ZNF891: variants seen among roughly 807,000 people sequenced by gnomAD.
ZNF891 encodes the protein zinc finger protein 891.
For missense variants in ZNF891, 589 were observed against 632.7 expected, an observed-to-expected ratio of 0.93 and a Z score of 0.74; for synonymous variants, 199 against 209.0, an observed-to-expected ratio of 0.95 and a Z score of 0.41.
Position 133,111,151 on chromosome 12 carries a change from C to T in ZNF891, c.*9133G>A, listed in dbSNP as rs1345315273. On this transcript the variant is annotated 3_prime_UTR_variant, in exon 2 of 2. Transcript: ENST00000537226. ...AAAAGTCTGCCTTTAAAAGGCAGGA[C>T]ATAGAAAAAGTGGCAAAAAGTGTAA... 1 of 151,672 alleles carries T rather than the reference C, an allele frequency of 6.6e-6. No individual in the cohort carries two copies. The highest frequency in any genetic ancestry group is 1.5e-5 in the Non-Finnish European group (1 of 67,946). 9.4% of individuals were successfully genotyped at this position (151,672 alleles called of 1,614,324 possible).
rs1472567234 is a variant in ZNF891, at chr12:133,112,789, G to A, written c.*7495C>T. On this transcript the variant is annotated 3_prime_UTR_variant, in exon 2 of 2. Transcript: ENST00000537226. Reference sequence around the variant, plus strand: ...AAAAAGTAGGAGATAGAAATGGTAAGTTAAAAAATATATTTTCCCCAGCAC... The same window carrying A: ...AAAAAGTAGGAGATAGAAATGGTAAATTAAAAAATATATTTTCCCCAGCAC... The A allele has an allele frequency of 6.6e-6, 1 of 152,236 alleles. No individual in the cohort carries two copies. Among genetic ancestry groups the A allele is most frequent in the African/African-American group, 2.4e-5 (1 of 41,452 alleles). The allele number at this position is 152,236 out of a possible 1,614,324, so 9.4% of individuals were successfully genotyped here.
rs1312068734 is a variant in ZNF891, at chr12:133,106,384, T to C, written c.*13900A>G. The stretch of plus-strand genomic sequence containing the variant: ...AATGTGGTAAAGTTTTCACTTGGCA[T>C]GCATCCCTTATTCAACATACGAAGA... On this transcript the variant is annotated 3_prime_UTR_variant, in exon 2 of 2. Coordinates refer to ENST00000537226, the MANE Select transcript of ZNF891 (RefSeq NM_001277291.2). 14 of 1,614,188 alleles carry C rather than the reference T, an allele frequency of 8.7e-6. No individual in the cohort carries two copies. The East Asian group carries it at 2.9e-4, about 33-fold the overall frequency.
chr12:133,106,710 C>T lies in ZNF891; in HGVS notation c.*13574G>A. 1.4e-6 allele frequency: 2 copies of T among 1,408,630 alleles called. No individual in the cohort carries two copies. The highest frequency in any genetic ancestry group is 1.9e-6 in the Non-Finnish European group (2 of 1,050,742). The allele number at this position is 1,408,630 out of a possible 1,614,324, so 87.3% of individuals were successfully genotyped here. ...GAATTTTTTAAAAAGAAGTATAATG[C>T]CTTACTTCAGAGAACTCTTGGAAAG... On this transcript the variant is annotated 3_prime_UTR_variant, in exon 2 of 2. Transcript: ENST00000537226.
Position 133,120,878 on chromosome 12 carries a change from T to C in ZNF891, c.1041A>G (p.Gln347=), listed in dbSNP as rs1955750829. ...LYKKSHMGEK[Q]YECKECGKVF... ...CTTTACCACATTCTTTACATTCATA[T>C]TGTTTCTCACCCATGTGACTTTTCT... The change falls in exon 2 of 2, where the codon CAA becomes CAG. Residue 347 remains glutamine (Q), a synonymous_variant. Transcript: ENST00000537226. 4 of 1,541,792 alleles carry C rather than the reference T, an allele frequency of 2.6e-6. No homozygotes were observed. Among genetic ancestry groups the C allele is most frequent in the South Asian group, 2.4e-5 (2 of 84,086 alleles).
Position 133,106,788 on chromosome 12 carries a change from A to T in ZNF891, c.*13496T>A, listed in dbSNP as rs931105220. On this transcript the variant is annotated 3_prime_UTR_variant, in exon 2 of 2. Transcript: ENST00000537226. ...AAGTAATATGGCCCACACTTTATTC[A>T]CCACCCTGGAGAAAAAAAAACCCAG... 9.7e-6 allele frequency: 7 copies of T among 722,298 alleles called. No homozygotes were observed. The African/African-American group carries it at 1.3e-4, about 13-fold the overall frequency. The allele number at this position is 722,298 out of a possible 1,614,324, so 44.7% of individuals were successfully genotyped here. A position where few individuals can be genotyped will look rare whatever the true frequency, so the allele number is the denominator to read the frequency against.
chr12:133,104,838 A>T lies in ZNF891; in HGVS notation c.*15446T>A, dbSNP rs1367333257. ...TTTCATTTTAGGTTAAAGGTTACTC[A>T]TGTTACATGAGCAAATTGTGTGTCA... On this transcript the variant is annotated 3_prime_UTR_variant, in exon 2 of 2. Coordinates refer to ENST00000537226, the MANE Select transcript of ZNF891 (RefSeq NM_001277291.2). 2.0e-5 allele frequency among the ~76,000 whole-genome samples: 3 copies of T among 152,172 alleles called. No individual in the cohort carries two copies. Among genetic ancestry groups the T allele is most frequent in the Non-Finnish European group, 2.9e-5 (2 of 68,034 alleles).
At position 133,120,419 on chromosome 12, in the gene ZNF891, G is replaced by A. The variant is rs1450450033; in HGVS notation, c.1500C>T (p.Ser500=). Residue 500 remains serine, a synonymous_variant, in exon 2 of 2, where the codon TCC becomes TCT. Transcript: ENST00000537226. ...TTCTCACATGCCTCCTAAGGGAAGA[G>A]GAAACACTGAAGGCTTTCCTACATT... ...CKECRKAFSV[S]SSLRRHVRIH... 1.2e-6 allele frequency: 2 copies of A among 1,602,700 alleles called. No homozygotes were observed. The highest frequency in any genetic ancestry group is 1.7e-5 in the Admixed American group (1 of 58,464).
chr12:133,115,036 A>T lies in ZNF891; in HGVS notation c.*5248T>A, dbSNP rs1593822184. 6.6e-6 allele frequency: 1 copy of T among 152,196 alleles called. No individual in the cohort carries two copies. 9.4% of individuals were successfully genotyped at this position (152,196 alleles called of 1,614,324 possible). On this transcript the variant is annotated 3_prime_UTR_variant, in exon 2 of 2. Transcript: ENST00000537226. The stretch of plus-strand genomic sequence containing the variant: ...CAAATACATTATGGTACAAGCATAT[A>T]ATCAAATACTAAGCAGCTATTACAA...
At chr12:133,125,783 A>G in intron 1 of ZNF891, 1 of 475,396 alleles carries the variant, frequency 2.1e-6, no homozygotes, top group Non-Finnish European at 4.2e-6. Context: ...CTTAAAGCCA[A>G]CAAGCACCAG....
chr12:133,121,082 A>G lies in ZNF891; in HGVS notation c.837T>C (p.Asn279=), dbSNP rs1208978192. 1.3e-6 allele frequency: 2 copies of G among 1,535,364 alleles called. No individual in the cohort carries two copies. The highest frequency in any genetic ancestry group is 2.0e-5 in the Admixed American group (1 of 50,984). Residue 279 remains asparagine, a synonymous_variant, in exon 2 of 2, where the codon AAT becomes AAC. Transcript: ENST00000537226. ...GCAAATTGTTAGGTACAGGAAACATATTATGTGTGAAGTGCATTCCATGTT... is the reference window on the plus strand; with the variant it reads ...GCAAATTGTTAGGTACAGGAAACATGTTATGTGTGAAGTGCATTCCATGTT... The part of the protein sequence containing the change: ...YSKHGMHFTH[N]MFPVPNNLHM...
chr12:133,104,803 T>C lies in ZNF891; in HGVS notation c.*15481A>G, dbSNP rs946343251. Among the ~76,000 whole-genome samples, 42 of 152,358 alleles carry C rather than the reference T, an allele frequency of 2.8e-4. No homozygotes were observed. Among genetic ancestry groups the C allele is most frequent in the African/African-American group, 9.4e-4 (39 of 41,574 alleles). On this transcript the variant is annotated 3_prime_UTR_variant, in exon 2 of 2. Transcript: ENST00000537226. ...ATTTGATATTAAGACACTTTATTTT[T>C]CTGTCCAACTTTCATTTTAGGTTAA...
intron 1 of ZNF891, among the ~76,000 whole-genome samples, chr12:133,129,475 T>C (rs919871581): frequency 7.6e-6 from 1 of 131,932 alleles, no homozygotes; most frequent in Admixed American, 8.7e-5. Flanking sequence ...CACTCCAGCC[T>C]GGGCAACAAA....
chr12:133,106,375 C>G lies in ZNF891; in HGVS notation c.*13909G>C. 6.2e-7 allele frequency: 1 copy of G among 1,614,128 alleles called. No individual in the cohort carries two copies. The highest frequency in any genetic ancestry group is 8.5e-7 in the Non-Finnish European group (1 of 1,180,026). The stretch of plus-strand genomic sequence containing the variant: ...AATGTGATGAATGTGGTAAAGTTTT[C>G]ACTTGGCATGCATCCCTTATTCAAC... On this transcript the variant is annotated 3_prime_UTR_variant, in exon 2 of 2. Transcript: ENST00000537226.
At position 133,109,128 on chromosome 12, in the gene ZNF891, GA is replaced by G. The variant is rs1955661825; in HGVS notation, c.*11155del. 6.6e-6 allele frequency: 1 copy of G among 152,186 alleles called. No individual in the cohort carries two copies. The highest frequency in any genetic ancestry group is 1.5e-5 in the Non-Finnish European group (1 of 68,022). 9.4% of individuals were successfully genotyped at this position (152,186 alleles called of 1,614,324 possible). A position where few individuals can be genotyped will look rare whatever the true frequency, so the allele number is the denominator to read the frequency against. On this transcript the variant is annotated 3_prime_UTR_variant, in exon 2 of 2. Coordinates refer to ENST00000537226, the MANE Select transcript of ZNF891 (RefSeq NM_001277291.2). Reference sequence around the variant, plus strand: ...TTTAGAGGGAGATGTAACTATCAATGAATTATTATGTTCATTTTTTCCCTTA... The same window carrying G: ...TTTAGAGGGAGATGTAACTATCAATGATTATTATGTTCATTTTTTCCCTTA...
intron 1 of ZNF891, among the ~76,000 whole-genome samples, chr12:133,128,374 G>A (rs1362492553): frequency 6.6e-6 from 1 of 152,226 alleles, no homozygotes; most frequent in African/African-American, 2.4e-5. Flanking sequence ...GCTCACGCCT[G>A]TAATCCTAGC....
chr12:133,126,496 ATAAACT>A (rs757273240), intron 1 of ZNF891, among the ~76,000 whole-genome samples: 46 of 145,662 alleles, frequency 3.2e-4, no homozygotes, highest in Non-Finnish European at 4.8e-4. Context: ...AAAAAAAAAG[ATAAACT>A]TAAGGAACTT....
At position 133,117,406 on chromosome 12, in the gene ZNF891, C is replaced by G. The variant is rs1195166144; in HGVS notation, c.*2878G>C. The stretch of plus-strand genomic sequence containing the variant: ...CACACAGTTCTTAGGAAACACAAAA[C>G]ATTATATAGTTCACATATTCTGATC... On this transcript the variant is annotated 3_prime_UTR_variant, in exon 2 of 2. Transcript: ENST00000537226. The G allele has an allele frequency of 6.6e-6, 1 of 152,184 alleles. No homozygotes were observed. Among genetic ancestry groups the G allele is most frequent in the Non-Finnish European group, 1.5e-5 (1 of 68,020 alleles). 9.4% of individuals were successfully genotyped at this position (152,184 alleles called of 1,614,324 possible). A position where few individuals can be genotyped will look rare whatever the true frequency, so the allele number is the denominator to read the frequency against.
Position 133,120,949 on chromosome 12 carries a change from G to C in ZNF891, c.970C>G (p.Gln324Glu). The C allele has an allele frequency of 6.5e-7, 1 of 1,535,862 alleles. No individual in the cohort carries two copies. The highest frequency in any genetic ancestry group is 2.4e-5 in the East Asian group (1 of 40,912). Residue 324 changes from glutamine to glutamate, a missense_variant, in exon 2 of 2, where the codon CAA becomes GAA. Coordinates refer to ENST00000537226, the MANE Select transcript of ZNF891 (RefSeq NM_001277291.2). The stretch of plus-strand genomic sequence containing the variant: ...ATCCTTTTGAAGGCTTTTCCACATT[G>C]ATTGCATTCATGTTTCTTTTCAGTA... Reference protein sequence around the residue: ...THTEKKHECNQCGKAFKRISN... With the variant: ...THTEKKHECNECGKAFKRISN...
In ZNF891 at chr12:133,121,252, T is replaced by C. The variant is rs548087023; in HGVS notation, c.667A>G (p.Ile223Val). 14 of 1,535,614 alleles carry C rather than the reference T, an allele frequency of 9.1e-6. No homozygotes were observed. The highest frequency in any genetic ancestry group is 1.2e-5 in the Non-Finnish European group (14 of 1,146,860). Residue 223 changes from isoleucine (I) to valine (V), a missense_variant, in exon 2 of 2, where the codon ATT becomes GTT. By Grantham distance (29) the Ile-to-Val change is conservative (BLOSUM62 3). Transcript: ENST00000537226. Reference protein sequence around the residue: ...SKHCQKCYSEIGCLKHNSIIN... With the variant: ...SKHCQKCYSEVGCLKHNSIIN... ...ATTGAATTGTGTTTCAAACATCCAA[T>C]CTCTGAGTAACATTTTTGGCAATGT...
Sources: allele counts gnomAD v4.1 joint callset (sites outside exome capture counted in the v4.1 genomes callset), GRCh38; gene constraint gnomAD v4.1.1; transcripts MANE v1.5; gene names NCBI Gene and HGNC (gene_info 2026-07-23, HGNC 2026-07-21).